The following SEMA5A variants were observed in gnomAD, a reference collection of about 807,000 sequenced individuals.
The protein encoded by SEMA5A is semaphorin-5A.
Under a neutral mutation model 135.5 loss-of-function variants are expected in SEMA5A, and 55 were observed. The observed-to-expected ratio is 0.41, with a 90% CI of 0.33 to 0.51. SEMA5A has a LOEUF of 0.51. Ranked by LOEUF, SEMA5A falls within the 20% of genes least tolerant of loss-of-function variation. The pLI, the probability that SEMA5A is intolerant of heterozygous loss-of-function variation, is 0.37. For missense variants in SEMA5A, 1,290 were observed against 1,419.9 expected (o/e 0.91, Z 1.47); for synonymous variants, 580 against 546.5 (o/e 1.06, Z -0.85).
At chr5:9,286,453 A>G (rs531918582) in intron 5 of SEMA5A, among the ~76,000 whole-genome samples, 1 of 151,980 alleles carries the variant, frequency 6.6e-6, no homozygotes, top group Non-Finnish European at 1.5e-5. Context: ...GACCATATTA[A>G]TAAGGTTCAG....
intron 13 of SEMA5A, among the ~76,000 whole-genome samples, chr5:9,129,753 T>A (rs1300533630): frequency 6.6e-6 from 1 of 152,192 alleles, no homozygotes. Context: ...ATATACCATG[T>A]AGTGGTAGTT....
rs547550916 is a variant in SEMA5A at position 9,129,494 on chromosome 5, C to T, written c.1600-6657G>A. Among the ~76,000 whole-genome samples the T allele has an allele frequency of 3.3e-5, 5 of 152,322 alleles. No homozygotes were observed. In the East Asian group the frequency reaches 9.6e-4, roughly 29 times the overall value. ...ATTTAAGCACTTGCTCATTTTGACC[C>T]TGAGTATATTCGTGTAAGAATCTGC... is the stretch of plus-strand genomic sequence containing the variant. On this transcript the variant is annotated intron_variant, in intron 13 of 22. Coordinates refer to ENST00000382496, the MANE Select transcript of SEMA5A (RefSeq NM_003966.3).
At chr5:9,240,359 A>G (rs752993975) in intron 5 of SEMA5A, among the ~76,000 whole-genome samples, 12 of 152,042 alleles carry the variant, frequency 7.9e-5, no homozygotes, top group East Asian at 1.9e-4. Context: ...TATATTAAGA[A>G]TGGAACTTTA....
At chr5:9,090,701 A>G (rs905896139) in intron 16 of SEMA5A, among the ~76,000 whole-genome samples, 7 of 152,200 alleles carry the variant, frequency 4.6e-5, no homozygotes, top group Non-Finnish European at 1.0e-4. Flanking sequence ...TGAGGATGCA[A>G]TGATGAACCA....
At chr5:9,078,725 A>C (rs2150097791) in intron 16 of SEMA5A, among the ~76,000 whole-genome samples, 1 of 152,298 alleles carries the variant, frequency 6.6e-6, no homozygotes, top group South Asian at 2.1e-4. Context: ...TATAGGACCA[A>C]ACTGGCTCCA....
At chr5:9,335,756 C>T (rs1753361370) in intron 4 of SEMA5A, among the ~76,000 whole-genome samples, 2 of 152,094 alleles carry the variant, frequency 1.3e-5, no homozygotes. Context: ...TTGTTATAAT[C>T]CCAACCCCCT....
At chr5:9,153,105 T>C (rs926373806) in intron 12 of SEMA5A, among the ~76,000 whole-genome samples, 1 of 150,320 alleles carries the variant, frequency 6.7e-6, no homozygotes, top group East Asian at 1.9e-4. Flanking sequence ...GTCTGTTCCA[T>C]GAACCCTAGC....
intron 1 of SEMA5A, among the ~76,000 whole-genome samples, chr5:9,446,318 G>C (rs866703011): frequency 1.3e-4 from 20 of 152,126 alleles, no homozygotes; most frequent in African/African-American, 4.3e-4. Context: ...GGGGCTGAGG[G>C]AAAGAAAGAG....
intron 1 of SEMA5A, among the ~76,000 whole-genome samples, chr5:9,514,923 A>G (rs1227167497): frequency 2.6e-5 from 4 of 152,214 alleles, no homozygotes; most frequent in Non-Finnish European, 5.9e-5. Context: ...ATGGATAAAA[A>G]ATTGTGGGGT....
chr5:9,047,566 G>A (rs1736336501), intron 21 of SEMA5A, among the ~76,000 whole-genome samples: 1 of 152,040 alleles, frequency 6.6e-6, no homozygotes, highest in African/African-American at 2.4e-5. Flanking sequence ...ATTTTGATCA[G>A]TAAAGATGGA....
At position 9,348,203 on chromosome 5, in the gene SEMA5A, T is replaced by C. The variant is rs72727259; in HGVS notation, c.125-10391A>G. ...CTAGAGTTGCCTTCCCTTTTGTTTA[T>C]AACTTTCAAGATCTTGGTAAATTCC... On this transcript the variant is annotated intron_variant, in intron 3 of 22. Transcript: ENST00000382496. Among the ~76,000 whole-genome samples, 1,139 of 152,326 alleles carry C rather than the reference T, an allele frequency of 7.5e-3. 12 individuals carry two copies. Among genetic ancestry groups the C allele is most frequent in the Non-Finnish European group, 0.012 (803 of 68,030 alleles).
chr5:9,249,802 A>T (rs1748679435), intron 5 of SEMA5A, among the ~76,000 whole-genome samples: 1 of 152,124 alleles, frequency 6.6e-6, no homozygotes, highest in South Asian at 2.1e-4. Context: ...TTGACCAGTG[A>T]GTGAATAAGT....
At chr5:9,320,693 G>C (rs1229975693) in intron 4 of SEMA5A, among the ~76,000 whole-genome samples, 2 of 152,210 alleles carry the variant, frequency 1.3e-5, no homozygotes, top group African/African-American at 4.8e-5. Context: ...ACTCCAGCCT[G>C]GGTGACAGAG....
intron 2 of SEMA5A, among the ~76,000 whole-genome samples, chr5:9,423,547 C>G (rs1757543237): frequency 6.6e-6 from 1 of 152,232 alleles, no homozygotes; most frequent in Admixed American, 6.5e-5. Flanking sequence ...TGGCCAGTGC[C>G]AAATCTTGTT....
intron 12 of SEMA5A, among the ~76,000 whole-genome samples, chr5:9,145,083 T>C (rs530837252): frequency 6.6e-6 from 1 of 152,126 alleles, no homozygotes; most frequent in African/African-American, 2.4e-5. Flanking sequence ...TTGACTTACA[T>C]CTAGGACAGA....
intron 2 of SEMA5A, among the ~76,000 whole-genome samples, chr5:9,402,103 C>G (rs1756682627): frequency 6.6e-6 from 1 of 152,234 alleles, no homozygotes; most frequent in Non-Finnish European, 1.5e-5. Context: ...CCATCTATCT[C>G]TCTTAATGTC....
At position 9,136,487 on chromosome 5, in the gene SEMA5A, A is replaced by G. The variant is rs1579459143; in HGVS notation, c.1599+17T>C. The G allele has an allele frequency of 3.8e-6, 6 of 1,598,878 alleles. No individual in the cohort carries two copies. In the East Asian group the frequency reaches 1.3e-4, roughly 36 times the overall value. On this transcript the variant is annotated intron_variant, in intron 13 of 22. Coordinates refer to ENST00000382496, the MANE Select transcript of SEMA5A (RefSeq NM_003966.3). ...CATGGGCAGCATTTTCAGAGGATGG[A>G]GAAGGTGGGCACTCACCGGACACGC... is the stretch of plus-strand genomic sequence containing the variant.
chr5:9,345,988 C>T (rs1017622994), intron 3 of SEMA5A, among the ~76,000 whole-genome samples: 2 of 152,092 alleles, frequency 1.3e-5, no homozygotes, highest in Non-Finnish European at 2.9e-5. Flanking sequence ...AGAAGAATCA[C>T]CCTCAAGCTT....
At chr5:9,120,916 T>G (rs1017330250) in intron 14 of SEMA5A, among the ~76,000 whole-genome samples, 6 of 151,894 alleles carry the variant, frequency 4.0e-5, no homozygotes, top group Non-Finnish European at 8.8e-5. Flanking sequence ...GTAGCTGGGA[T>G]TACAGGCATG....
Sources: allele counts gnomAD v4.1 joint callset (sites outside exome capture counted in the v4.1 genomes callset), GRCh38; gene constraint gnomAD v4.1.1; transcripts MANE v1.5; gene names NCBI Gene and HGNC (gene_info 2026-07-23, HGNC 2026-07-21).